The following GSE1 variants were observed in gnomAD, a reference collection of about 807,000 sequenced individuals.
GSE1 encodes the protein genetic suppressor element 1.
A neutral mutation model predicts 112.6 loss-of-function variants in GSE1; 32 were observed. The ratio of observed to expected loss-of-function variants is 0.28; its 90% CI spans 0.21 to 0.38. The LOEUF (loss-of-function observed/expected upper bound fraction) is 0.38. Among genes scored for constraint, GSE1 ranks in the 10% least tolerant of loss-of-function variants. The pLI is 1.00. For synonymous variants in GSE1, 1,115 were observed against 735.6 expected, an observed-to-expected ratio of 1.52 and a Z score of -8.35; for missense variants, 2,348 against 1,699.2, an observed-to-expected ratio of 1.38 and a Z score of -6.71.
intron 1 of GSE1, among the ~76,000 whole-genome samples, chr16:85,323,769 C>T (rs2046166939): frequency 6.6e-6 from 1 of 152,190 alleles, no homozygotes. Context: ...CTTCCACGCT[C>T]CCCCATTGCC....
At chr16:85,513,208 A>G (rs2051805853) in intron 2 of GSE1, among the ~76,000 whole-genome samples, 1 of 151,830 alleles carries the variant, frequency 6.6e-6, no homozygotes, top group South Asian at 2.1e-4. Context: ...CGGCTCAGAG[A>G]TGGCAGCTGG....
intron 2 of GSE1, among the ~76,000 whole-genome samples, chr16:85,371,440 A>G (rs1336386854): frequency 2.0e-5 from 3 of 152,062 alleles, no homozygotes; most frequent in African/African-American, 7.2e-5. Flanking sequence ...CAGGGGCTGT[A>G]TGGGTGCAGA....
At chr16:85,376,895 C>T (rs994375588) in intron 2 of GSE1, among the ~76,000 whole-genome samples, 32 of 152,340 alleles carry the variant, frequency 2.1e-4, no homozygotes, top group African/African-American at 7.7e-4. Context: ...CCTCCGCACA[C>T]CGCACACCGC....
intron 2 of GSE1, among the ~76,000 whole-genome samples, chr16:85,493,131 G>T (rs1038984533): frequency 6.6e-6 from 1 of 152,212 alleles, no homozygotes. Flanking sequence ...TCTCCAGGGA[G>T]GGGCGATGCA....
At chr16:85,175,565 T>TC (rs969992455) in intron 1 of GSE1, among the ~76,000 whole-genome samples, 1 of 152,124 alleles carries the variant, frequency 6.6e-6, no homozygotes, top group Non-Finnish European at 1.5e-5. Flanking sequence ...GACGCCCCCT[T>TC]CCCCCCGCCC....
At chr16:85,187,179 C>A (rs943020740) in intron 1 of GSE1, among the ~76,000 whole-genome samples, 1 of 152,222 alleles carries the variant, frequency 6.6e-6, no homozygotes, top group Non-Finnish European at 1.5e-5. Context: ...TGTCCAGGTG[C>A]CTGGAGCTTG....
intron 2 of GSE1, among the ~76,000 whole-genome samples, chr16:85,466,409 GC>G (rs1472430735): frequency 3.3e-5 from 5 of 152,202 alleles, no homozygotes; most frequent in African/African-American, 1.2e-4. Context: ...GGCTGCCAGC[GC>G]CCGTGGGCCC....
intron 1 of GSE1, among the ~76,000 whole-genome samples, chr16:85,583,866 AG>A (rs1167770997): frequency 2.6e-5 from 4 of 152,182 alleles, no homozygotes; most frequent in Non-Finnish European, 5.9e-5. Flanking sequence ...CTCTGCTCCC[AG>A]GGAGGGGAGT....
chr16:85,532,790 G>C (rs117745457), intron 2 of GSE1, among the ~76,000 whole-genome samples: 1 of 152,198 alleles, frequency 6.6e-6, no homozygotes, highest in Middle Eastern at 3.2e-3. Context: ...TTGGAGTCAC[G>C]CCTGTTCTTA....
chr16:85,415,985 T>C (rs916883178), intron 2 of GSE1, among the ~76,000 whole-genome samples: 2 of 152,308 alleles, frequency 1.3e-5, no homozygotes, highest in African/African-American at 4.8e-5. Context: ...TAAATACACT[T>C]TATTTATGGC....
chr16:85,478,923 CTTTCTCTTTCTT>C (rs2050577591), intron 2 of GSE1, among the ~76,000 whole-genome samples: 1 of 37,628 alleles, frequency 2.7e-5, no homozygotes, highest in African/African-American at 1.6e-4. Flanking sequence ...TTCTTTCTTT[CTTTCTCTTTCTT>C]TCTTTCTTTC....
chr16:85,235,237 G>A (rs1003495050), intron 1 of GSE1, among the ~76,000 whole-genome samples: 11 of 152,000 alleles, frequency 7.2e-5, no homozygotes, highest in Non-Finnish European at 1.5e-4. Context: ...ATCAGAACAA[G>A]CTCCCAACCC....
At chr16:85,200,568 A>C (rs534134129) in intron 1 of GSE1, among the ~76,000 whole-genome samples, 2 of 151,488 alleles carry the variant, frequency 1.3e-5, no homozygotes, top group African/African-American at 4.8e-5. Flanking sequence ...TGTGGGCTGA[A>C]CTCTTAACAC....
chr16:85,595,612 T>G (rs1217139805), intron 1 of GSE1: 1 of 152,210 alleles, frequency 6.6e-6, no homozygotes. Flanking sequence ...ATCTTTTCTG[T>G]GTTTTAACAT....
At chr16:85,607,049 A>C (rs904877678), upstream of GSE1, among the ~76,000 whole-genome samples, 7 of 98,030 alleles carry the variant, frequency 7.1e-5, no homozygotes, top group African/African-American at 2.8e-4. Context: ...ATATCTGGAT[A>C]CTGGAGAGCC....
intron 1 of GSE1, among the ~76,000 whole-genome samples, chr16:85,212,998 T>C (rs1180295141): frequency 6.6e-6 from 1 of 152,054 alleles, no homozygotes; most frequent in Non-Finnish European, 1.5e-5. Flanking sequence ...CTGCCGGATG[T>C]GGTGGCTCAC....
chr16:85,548,243 A>AAG (rs1555530642), intron 2 of GSE1, among the ~76,000 whole-genome samples: 1 of 132,194 alleles, frequency 7.6e-6, no homozygotes, highest in Non-Finnish European at 1.6e-5. Context: ...AAAAAAAAAA[A>AAG]AAAGAAAGAA....
At chr16:85,284,182 G>A (rs2044943947) in intron 1 of GSE1, among the ~76,000 whole-genome samples, 1 of 152,230 alleles carries the variant, frequency 6.6e-6, no homozygotes. Context: ...GAGGCCGGGA[G>A]AATTGAGAAT....
intron 2 of GSE1, among the ~76,000 whole-genome samples, chr16:85,535,908 C>T (rs1487582383): frequency 6.6e-6 from 1 of 152,256 alleles, no homozygotes; most frequent in Non-Finnish European, 1.5e-5. Flanking sequence ...GACGGGCATT[C>T]ATTGGGCACC....
Sources: gnomAD v4.1 joint callset for allele counts (sites outside exome capture counted in the v4.1 genomes callset) on GRCh38, gnomAD v4.1.1 for gene constraint, MANE v1.5 for transcripts, NCBI Gene and HGNC (gene_info 2026-07-23, HGNC 2026-07-21) for gene names.